Variants in TRERF1 observed in about 807,000 individuals in gnomAD.
TRERF1 encodes transcriptional regulating factor 1.
A neutral mutation model predicts 122.9 loss-of-function variants in TRERF1; 27 were observed. That is an observed-to-expected ratio of 0.22 (90% CI 0.16 to 0.30). TRERF1 has a LOEUF of 0.30. TRERF1 is among the 10% of genes least tolerant of loss of function. TRERF1 has a pLI of 1.00. For synonymous variants in TRERF1, 636 were observed against 641.7 expected, an observed-to-expected ratio of 0.99 and a Z score of 0.13; for missense variants, 1,248 against 1,560.3, an observed-to-expected ratio of 0.80 and a Z score of 3.37.
At chr6:42,229,288 C>A (rs1273042184) in intron 17 of TRERF1, among the ~76,000 whole-genome samples, 1 of 152,184 alleles carries the variant, frequency 6.6e-6, no homozygotes, top group African/African-American at 2.4e-5. Flanking sequence ...CAGGTACATA[C>A]CACCATGCCT....
chr6:42,392,987 C>T (rs1303034864), intron 2 of TRERF1, among the ~76,000 whole-genome samples: 1 of 151,204 alleles, frequency 6.6e-6, no homozygotes, highest in African/African-American at 2.4e-5. Flanking sequence ...GGTATAAATA[C>T]TCCCACTATG....
chr6:42,371,240 C>T (rs749278068), intron 2 of TRERF1, among the ~76,000 whole-genome samples: 5 of 152,132 alleles, frequency 3.3e-5, no homozygotes, highest in East Asian at 3.8e-4. Context: ...TCTCTGAGCA[C>T]GTCCAAGGCC....
chr6:42,265,233 G>GC (rs1778940083), intron 6 of TRERF1, among the ~76,000 whole-genome samples: 1 of 152,222 alleles, frequency 6.6e-6, no homozygotes, highest in African/African-American at 2.4e-5. Flanking sequence ...TCCTGGGGCA[G>GC]CCGCCGTACT....
At chr6:42,277,939 G>A (rs548978618) in intron 4 of TRERF1, among the ~76,000 whole-genome samples, 1 of 149,576 alleles carries the variant, frequency 6.7e-6, no homozygotes, top group African/African-American at 2.5e-5. Context: ...AGAAGAAGAA[G>A]AAGAAGAAGA....
chr6:42,398,228 C>G (rs1778904186), intron 2 of TRERF1, among the ~76,000 whole-genome samples: 1 of 152,172 alleles, frequency 6.6e-6, no homozygotes, highest in African/African-American at 2.4e-5. Context: ...CCAGCCCTCT[C>G]CTAATGCCTT....
At chr6:42,429,587 T>G (rs1384924878) in intron 2 of TRERF1, among the ~76,000 whole-genome samples, 1 of 152,104 alleles carries the variant, frequency 6.6e-6, no homozygotes, top group Non-Finnish European at 1.5e-5. Context: ...TAAAAAAAAT[T>G]CCTACAGGCA....
chr6:42,240,973 A>G (rs1222037366), intron 15 of TRERF1, among the ~76,000 whole-genome samples: 5 of 151,872 alleles, frequency 3.3e-5, no homozygotes. Flanking sequence ...GCTCACTGCA[A>G]CCTCCACCTC....
intron 3 of TRERF1, among the ~76,000 whole-genome samples, chr6:42,340,493 T>G (rs983130659): frequency 3.3e-5 from 5 of 152,190 alleles, no homozygotes; most frequent in African/African-American, 1.2e-4. Flanking sequence ...AAGTAGCATT[T>G]TCCCCCCGTA....
intron 2 of TRERF1, among the ~76,000 whole-genome samples, chr6:42,415,170 T>A (rs1421676247): frequency 6.6e-6 from 1 of 152,214 alleles, no homozygotes; most frequent in Non-Finnish European, 1.5e-5. Context: ...TCTTTTCATA[T>A]ATTTAAGAAC....
Position 42,268,772 on chromosome 6 carries a change from C to T in TRERF1, c.819G>A (p.Gln273=), listed in dbSNP as rs935755588. 5.0e-6 allele frequency: 8 copies of T among 1,614,178 alleles called. No individual in the cohort carries two copies. The highest frequency in any genetic ancestry group is 6.8e-6 in the Non-Finnish European group (8 of 1,180,044). ...GCTGTTGCCCGGCTTGCTGCTGTTG[C>T]TGCGGTGGGTAATACTGGTGCTGCT... Residue 273 remains glutamine, a synonymous_variant, in exon 5 of 18, where the codon CAG becomes CAA. Transcript: ENST00000372922. The surrounding 1 kb of genome is among the most constrained non-coding windows in gnomAD (Gnocchi z 4.4).
chr6:42,355,996 C>T (rs150723822), intron 3 of TRERF1, among the ~76,000 whole-genome samples: 1 of 152,364 alleles, frequency 6.6e-6, no homozygotes, highest in East Asian at 1.9e-4. Context: ...AACTTTACCA[C>T]TGACATTCGG....
At chr6:42,323,166 T>C (rs983123531) in intron 3 of TRERF1, among the ~76,000 whole-genome samples, 4 of 151,190 alleles carry the variant, frequency 2.6e-5, no homozygotes, top group Non-Finnish European at 5.9e-5. Flanking sequence ...TCAGGAAGAG[T>C]TGATAAAGGA....
rs1219057756 is a variant in TRERF1, at chr6:42,399,847, C to T, written c.-453-36768G>A. On this transcript the variant is annotated intron_variant, in intron 2 of 17. Coordinates refer to ENST00000372922, the Ensembl canonical transcript of TRERF1. ...CTTCTCTACCCTAGTTTCTCATTCC[C>T]ATCCATCCCCCATGGTCAGATCCTC... is the stretch of plus-strand genomic sequence containing the variant. 5.3e-5 allele frequency among the ~76,000 whole-genome samples: 8 copies of T among 152,146 alleles called. No individual in the cohort carries two copies. In the South Asian group the frequency reaches 6.2e-4, roughly 12 times the overall value.
intron 2 of TRERF1, among the ~76,000 whole-genome samples, chr6:42,387,964 C>G (rs1240059685): frequency 6.6e-6 from 1 of 152,104 alleles, no homozygotes; most frequent in African/African-American, 2.4e-5. Flanking sequence ...CATGCCACCA[C>G]GCTTGGCTAA....
chr6:42,440,018 T>A (rs1267413425), intron 2 of TRERF1, among the ~76,000 whole-genome samples: 1 of 152,180 alleles, frequency 6.6e-6, no homozygotes, highest in Non-Finnish European at 1.5e-5. Context: ...AGGCACTCAA[T>A]AAATGCTTGA....
intron 4 of TRERF1, among the ~76,000 whole-genome samples, chr6:42,291,473 T>C (rs1034249747): frequency 1.3e-5 from 2 of 151,620 alleles, no homozygotes; most frequent in Non-Finnish European, 2.9e-5. Context: ...AAAAAGGTTC[T>C]AGGCTTAAAA....
chr6:42,241,305 C>T (rs1197196831), intron 15 of TRERF1, among the ~76,000 whole-genome samples: 1 of 152,070 alleles, frequency 6.6e-6, no homozygotes, highest in Non-Finnish European at 1.5e-5. Context: ...ATGTAGAATA[C>T]TGCCATCTCT....
chr6:42,324,675 G>C (rs1763985748), intron 3 of TRERF1, among the ~76,000 whole-genome samples: 1 of 152,162 alleles, frequency 6.6e-6, no homozygotes, highest in African/African-American at 2.4e-5. Flanking sequence ...TCAATAAATA[G>C]TGCTCAGAAA....
chr6:42,271,133 C>T (rs1035796027), intron 4 of TRERF1, among the ~76,000 whole-genome samples: 4 of 148,712 alleles, frequency 2.7e-5, no homozygotes, highest in Admixed American at 1.3e-4. Context: ...TGCAGTGAGC[C>T]GAGATTGTGC....
Sources: gnomAD v4.1 joint callset for allele counts (sites outside exome capture counted in the v4.1 genomes callset) on GRCh38, gnomAD v4.1.1 for gene constraint, Gnocchi (gnomAD v3.1) non-coding constraint, MANE v1.5 for transcripts, NCBI Gene and HGNC (gene_info 2026-07-23, HGNC 2026-07-21) for gene names.